Variants in AKR1D1 observed in about 807,000 individuals in gnomAD.
AKR1D1 encodes the protein delta(4)-3-ketosteroid 5-beta-reductase.
Under a neutral mutation model 42.6 loss-of-function variants are expected in AKR1D1, and 32 were observed. That is an observed-to-expected ratio of 0.75 (90% CI 0.57 to 1.01). AKR1D1 has a LOEUF of 1.01. Among genes scored for constraint, AKR1D1 ranks in the 50% least tolerant of loss-of-function variants. AKR1D1 has a pLI of 0.00. For missense variants in AKR1D1, 364 were observed against 402.2 expected (o/e 0.91, Z 0.81); for synonymous variants, 123 against 135.5 (o/e 0.91, Z 0.64).
intron 7 of AKR1D1, among the ~76,000 whole-genome samples, chr7:138,110,766 C>T (rs1554393721): frequency 6.6e-6 from 1 of 151,734 alleles, no homozygotes; most frequent in Non-Finnish European, 1.5e-5. Context: ...AACAAATAAA[C>T]AAAAAACCAT....
At chr7:138,113,039 G>T (rs963102069) in intron 7 of AKR1D1, among the ~76,000 whole-genome samples, 1 of 152,146 alleles carries the variant, frequency 6.6e-6, no homozygotes, top group Non-Finnish European at 1.5e-5. Flanking sequence ...TTTAGGCCAG[G>T]CGTGGTGAGG....
At chr7:138,100,868 C>T (rs899135154) in intron 4 of AKR1D1, among the ~76,000 whole-genome samples, 2 of 151,856 alleles carry the variant, frequency 1.3e-5, no homozygotes, top group African/African-American at 4.8e-5. Flanking sequence ...CCACGCCTGG[C>T]TAATTTTTTG....
intron 4 of AKR1D1, among the ~76,000 whole-genome samples, chr7:138,100,995 C>T (rs963706330): frequency 3.9e-4 from 59 of 151,918 alleles, no homozygotes; most frequent in Non-Finnish European, 8.1e-4. Flanking sequence ...TGAGCCAACG[C>T]GCCCGGCCTA....
At chr7:138,114,659 TC>T (rs1274855006) in intron 8 of AKR1D1, among the ~76,000 whole-genome samples, 1,087 of 48,450 alleles carry the variant, frequency 0.022, 12 homozygotes, top group African/African-American at 0.062. Flanking sequence ...AAACTCCATC[TC>T]AAAAAAAAAA....
chr7:138,082,242 G>A (rs1409722974), intron 1 of AKR1D1, among the ~76,000 whole-genome samples: 1 of 152,034 alleles, frequency 6.6e-6, no homozygotes, highest in African/African-American at 2.4e-5. Context: ...TTGTTTGCTT[G>A]TTTGTTTTGT....
intron 7 of AKR1D1, 129 bp from the exon 8 acceptor site, chr7:138,113,561 A>G (rs1423522826): frequency 6.3e-6 from 5 of 790,338 alleles, no homozygotes; most frequent in African/African-American, 1.7e-5. Context: ...TAGCCCCCCA[A>G]CACCAGCCTG....
chr7:138,099,601 G>A (rs530878093), intron 4 of AKR1D1, among the ~76,000 whole-genome samples: 26 of 151,636 alleles, frequency 1.7e-4, no homozygotes, highest in African/African-American at 5.8e-4. Context: ...AAAAGGACAA[G>A]AATTTTTTAA....
At chr7:138,112,889 A>G (rs1794561806) in intron 7 of AKR1D1, among the ~76,000 whole-genome samples, 1 of 151,970 alleles carries the variant, frequency 6.6e-6, no homozygotes, top group Non-Finnish European at 1.5e-5. Flanking sequence ...AATAAAGTAT[A>G]AAATCTAAGA....
Position 138,088,685 on chromosome 7 carries a change from A to G in AKR1D1, c.178A>G (p.Asn60Asp), listed in dbSNP as rs1562931730. 1 of 1,613,990 alleles carries G rather than the reference A, an allele frequency of 6.2e-7. No homozygotes were observed. Among genetic ancestry groups the G allele is most frequent in the Non-Finnish European group, 8.5e-7 (1 of 1,179,966 alleles). The change falls in exon 2 of 9, where the codon AAT (asparagine) becomes GAT (aspartate). Residue 60 changes from asparagine to aspartate, a missense_variant. Asn to Asp is a conservative substitution (Grantham distance 23). Transcript: ENST00000242375. ...TATTGATGGGGCCTACATCTACCAA[A>G]ATGAACACGAAGTTGGGGAGGCCAT... ...RHIDGAYIYQNEHEVGEAIRE... is the reference protein window; with the variant it reads ...RHIDGAYIYQDEHEVGEAIRE...
intron 7 of AKR1D1, among the ~76,000 whole-genome samples, chr7:138,111,738 G>A (rs182536791): frequency 1.9e-3 from 283 of 152,238 alleles, no homozygotes; most frequent in African/African-American, 6.0e-3. Context: ...TATTAAGATC[G>A]AAACCAAAGT....
At chr7:138,079,465 C>T (rs960648237) in intron 1 of AKR1D1, among the ~76,000 whole-genome samples, 1 of 152,112 alleles carries the variant, frequency 6.6e-6, no homozygotes, top group African/African-American at 2.4e-5. Flanking sequence ...AAGCAACTAA[C>T]ACTCGGGGGA....
At chr7:138,091,274 C>G (rs945899809) in intron 2 of AKR1D1, 8 of 188,544 alleles carry the variant, frequency 4.2e-5, no homozygotes, top group Non-Finnish European at 6.7e-5. Context: ...CCCCATTAGT[C>G]ACCAGGGCTA....
Position 138,097,885 on chromosome 7 carries a change from C to A in AKR1D1, c.398C>A (p.Pro133His), listed in dbSNP as rs267606649. Residue 133 changes from proline to histidine, a missense_variant, in exon 4 of 9, where the codon CCT becomes CAT. Pro to His is a moderately conservative substitution (Grantham distance 77, BLOSUM62 -2). Transcript: ENST00000242375. ...MAFKPGDEIYPRDENGKWLYH... is the reference protein window; with the variant it reads ...MAFKPGDEIYHRDENGKWLYH... ...TTTCAGCCAGGAGATGAAATATACC[C>A]TAGAGATGAGAATGGCAAATGGTTA... 1.2e-6 allele frequency: 2 copies of A among 1,606,470 alleles called. No homozygotes were observed. The highest frequency in any genetic ancestry group is 1.7e-5 in the Admixed American group (1 of 59,578).
At chr7:138,109,437 G>C (rs1434170035) in intron 7 of AKR1D1, among the ~76,000 whole-genome samples, 1 of 152,130 alleles carries the variant, frequency 6.6e-6, no homozygotes, top group Non-Finnish European at 1.5e-5. Context: ...CTCATACTCA[G>C]TGAAGAGTGA....
rs1794175566 is a variant in AKR1D1, at chr7:138,095,963, G to A, written c.379-1903G>A. 2.0e-5 allele frequency among the ~76,000 whole-genome samples: 3 copies of A among 151,992 alleles called. No homozygotes were observed. In the South Asian group the frequency reaches 6.3e-4, roughly 32 times the overall value. On this transcript the variant is annotated intron_variant, in intron 3 of 8. Transcript: ENST00000242375. ...CACCTGTATTCCCAGCAATTTGGGA[G>A]GCCAAGGCAGGTGGATCACTTGAGC... is the stretch of plus-strand genomic sequence containing the variant.
At chr7:138,114,147 T>A (rs1794587945) in intron 8 of AKR1D1, among the ~76,000 whole-genome samples, 1 of 151,992 alleles carries the variant, frequency 6.6e-6, no homozygotes, top group East Asian at 1.9e-4. Flanking sequence ...AGAGCAAAGT[T>A]ATAAAAAAAA....
chr7:138,089,156 T>C (rs1169635758), intron 2 of AKR1D1, among the ~76,000 whole-genome samples: 1 of 152,028 alleles, frequency 6.6e-6, no homozygotes, highest in Non-Finnish European at 1.5e-5. Flanking sequence ...AAGACCAACC[T>C]GGGTAACATG....
intron 2 of AKR1D1, among the ~76,000 whole-genome samples, chr7:138,089,662 G>T (rs995822509): frequency 6.6e-6 from 1 of 152,146 alleles, no homozygotes; most frequent in Non-Finnish European, 1.5e-5. Flanking sequence ...GTACAGTTGT[G>T]AATAGAAAGC....
intron 5 of AKR1D1, among the ~76,000 whole-genome samples, chr7:138,105,948 C>T (rs1368375641): frequency 6.6e-6 from 1 of 151,584 alleles, no homozygotes; most frequent in Non-Finnish European, 1.5e-5. Flanking sequence ...AGAAAAAACA[C>T]TAAGGCTCAA....
Sources: gnomAD v4.1 joint callset for allele counts (sites outside exome capture counted in the v4.1 genomes callset) on GRCh38, gnomAD v4.1.1 for gene constraint, MANE v1.5 for transcripts, NCBI Gene and HGNC (gene_info 2026-07-23, HGNC 2026-07-21) for gene names.